The following LYRM4 variants were observed in gnomAD, a reference collection of about 807,000 sequenced individuals.
LYRM4 encodes LYR motif-containing protein 4.
Under a neutral mutation model 11.7 loss-of-function variants are expected in LYRM4, and 9 were observed. The ratio of observed to expected loss-of-function variants is 0.77; its 90% confidence interval spans 0.46 to 1.34. The LOEUF (loss-of-function observed/expected upper bound fraction) is 1.34. Among genes scored for constraint, LYRM4 ranks in the 40% most tolerant of loss-of-function variants. The pLI is 0.00. For synonymous variants in LYRM4, 42 were observed against 40.4 expected (o/e 1.04, Z -0.15); for missense variants, 133 against 112.5 (o/e 1.18, Z -0.82).
chr6:5,205,238 G>A (rs760446640), intron 2 of LYRM4, among the ~76,000 whole-genome samples: 11 of 150,432 alleles, frequency 7.3e-5, no homozygotes, highest in Non-Finnish European at 1.3e-4. Flanking sequence ...GGGGCAGGAA[G>A]GTCACTGAAG....
chr6:5,037,924 C>A, the LYRM4 span, among the ~76,000 whole-genome samples: 1 of 46,514 alleles, frequency 2.1e-5, no homozygotes, highest in South Asian at 8.7e-4. Context: ...CGGACGGGGC[C>A]GCTGGCCGGG....
chr6:5,243,254 T>C (rs1227078180), intron 1 of LYRM4, among the ~76,000 whole-genome samples: 1 of 152,258 alleles, frequency 6.6e-6, no homozygotes, highest in Non-Finnish European at 1.5e-5. Flanking sequence ...CAGTCAGGAC[T>C]GCAGTGACGC....
intron 2 of LYRM4, chr6:5,138,711 G>C: frequency 2.0e-6 from 3 of 1,532,602 alleles, no homozygotes; most frequent in Non-Finnish European, 2.6e-6. Context: ...AACAAACCTG[G>C]TGGCAGACAA....
At chr6:5,128,786 C>T (rs1763810479) in intron 2 of LYRM4, among the ~76,000 whole-genome samples, 2 of 152,168 alleles carry the variant, frequency 1.3e-5, no homozygotes, top group South Asian at 2.1e-4. Flanking sequence ...ATCAATCTTG[C>T]TTTTATTTAC....
At chr6:5,259,018 T>C (rs187723238) in intron 1 of LYRM4, among the ~76,000 whole-genome samples, 17 of 152,356 alleles carry the variant, frequency 1.1e-4, no homozygotes, top group Non-Finnish European at 2.2e-4. Context: ...TCCTTAGAGA[T>C]TGTCTAGTCC....
At chr6:5,113,508 G>A (rs931697982) in intron 2 of LYRM4, 6 of 306,490 alleles carry the variant, frequency 2.0e-5, no homozygotes, top group Non-Finnish European at 3.9e-5. Flanking sequence ...GAATACGTGG[G>A]TGCTGCCCTG....
the LYRM4 span, chr6:5,087,592 T>G: frequency 6.6e-6 from 1 of 152,374 alleles, no homozygotes; most frequent in Non-Finnish European, 1.5e-5. Context: ...TGGGCCCTTT[T>G]AGTCGCTGGA....
At chr6:5,040,344 GATAGATAGATACATACATAC>G in the LYRM4 span, among the ~76,000 whole-genome samples, 4 of 144,574 alleles carry the variant, frequency 2.8e-5, no homozygotes, top group African/African-American at 1.0e-4. Context: ...TAGATAGATA[GATAGATAGATACATACATAC>G]ATACATACAT....
intron 2 of LYRM4, among the ~76,000 whole-genome samples, chr6:5,189,566 T>A (rs1039164918): frequency 1.3e-5 from 2 of 152,186 alleles, no homozygotes; most frequent in Non-Finnish European, 2.9e-5. Context: ...TTCGGGTGAC[T>A]GAAATTCCAG....
At chr6:5,065,263 T>TTAATG in the LYRM4 span, among the ~76,000 whole-genome samples, 1 of 151,836 alleles carries the variant, frequency 6.6e-6, no homozygotes, top group Admixed American at 6.6e-5. Context: ...TATGCATTCA[T>TTAATG]TACTGAAGGA....
At chr6:5,056,604 C>T in the LYRM4 span, among the ~76,000 whole-genome samples, 2 of 152,200 alleles carry the variant, frequency 1.3e-5, no homozygotes, top group Non-Finnish European at 2.9e-5. Context: ...CCAATAGCAA[C>T]AATCACATTT....
rs113468476 is a variant in LYRM4 at position 5,178,737 on chromosome 6, G to A, written c.207+37881C>T. Among the ~76,000 whole-genome samples the A allele has an allele frequency of 6.2e-4, 90 of 145,388 alleles. 2 individuals are homozygous for A. Among genetic ancestry groups the A allele is most frequent in the African/African-American group, 2.1e-3 (81 of 39,366 alleles). On this transcript the variant is annotated intron_variant, in intron 2 of 2. Transcript: ENST00000330636. ...GAAGAATCGCTTGAACCCGGGAGGC[G>A]GAGGTGGCAGTGAGCTGAGATCACG... is the stretch of plus-strand genomic sequence containing the variant.
intron 2 of LYRM4, among the ~76,000 whole-genome samples, chr6:5,174,864 C>T (rs530609904): frequency 1.2e-4 from 18 of 152,236 alleles, no homozygotes; most frequent in Admixed American, 3.3e-4. Flanking sequence ...CAAGGCTTAA[C>T]GTCAAAATTG....
chr6:5,107,216 T>G (rs193191538), downstream of LYRM4: 9 of 152,386 alleles, frequency 5.9e-5, no homozygotes, highest in East Asian at 1.7e-3. Flanking sequence ...TGCAGTTTAA[T>G]GAACACAAAA....
At chr6:5,195,268 C>T (rs116144043) in intron 2 of LYRM4, among the ~76,000 whole-genome samples, 205 of 152,178 alleles carry the variant, frequency 1.3e-3, no homozygotes, top group Non-Finnish European at 2.5e-3. Context: ...TCATTGGTTG[C>T]ATTTAATTAA....
intron 2 of LYRM4, chr6:5,187,095 A>G (rs1447904476): frequency 4.4e-6 from 4 of 898,940 alleles, no homozygotes; most frequent in Non-Finnish European, 5.3e-6. Context: ...TGGTGAATGA[A>G]TAATATAGAA....
At chr6:5,073,097 C>T in the LYRM4 span, among the ~76,000 whole-genome samples, 6,776 of 152,148 alleles carry the variant, frequency 0.045, 356 homozygotes, top group African/African-American at 0.13. Flanking sequence ...GTATAGGGGC[C>T]GGACATGGTG....
At chr6:5,248,799 G>T (rs1016315055) in intron 1 of LYRM4, among the ~76,000 whole-genome samples, 1 of 152,224 alleles carries the variant, frequency 6.6e-6, no homozygotes, top group African/African-American at 2.4e-5. Context: ...GAATCTATCA[G>T]TCTATGCCCC....
intron 2 of LYRM4, among the ~76,000 whole-genome samples, chr6:5,170,780 T>C (rs1161178777): frequency 6.6e-6 from 1 of 152,220 alleles, no homozygotes; most frequent in African/African-American, 2.4e-5. Context: ...GGGTATACAT[T>C]TTGACCTATC....
Sources: gnomAD v4.1 joint callset for allele counts (sites outside exome capture counted in the v4.1 genomes callset) on GRCh38, gnomAD v4.1.1 for gene constraint, MANE v1.5 for transcripts, NCBI Gene and HGNC (gene_info 2026-07-23, HGNC 2026-07-21) for gene names.